The following SNAPC3 variants were observed in gnomAD, a reference collection of about 807,000 sequenced individuals.
SNAPC3 encodes the protein snRNA-activating protein complex subunit 3.
In SNAPC3, 56 loss-of-function variants were observed where a neutral mutation model predicts 47.7. The ratio of observed to expected loss-of-function variants is 1.18; its 90% CI spans 0.95 to 1.47. The LOEUF (loss-of-function observed/expected upper bound fraction) is 1.47. Among genes scored for constraint, SNAPC3 ranks in the 40% most tolerant of loss-of-function variants. The pLI is 0.00. For synonymous variants in SNAPC3, 235 were observed against 189.9 expected (o/e 1.24, Z -1.95); for missense variants, 665 against 511.3 (o/e 1.30, Z -2.90).
At chr9:15,446,514 G>A (rs2033943701) in intron 4 of SNAPC3, among the ~76,000 whole-genome samples, 1 of 152,168 alleles carries the variant, frequency 6.6e-6, no homozygotes, top group Admixed American at 6.5e-5. Context: ...GACATTCCAT[G>A]CTATTCTAAT....
rs374402852 is a variant in SNAPC3, at chr9:15,444,211, C to T, written c.478-391C>T. Among the ~76,000 whole-genome samples, 6 of 152,280 alleles carry T rather than the reference C, an allele frequency of 3.9e-5. No individual in the cohort carries two copies. In the East Asian group the frequency reaches 9.6e-4, roughly 24 times the overall value. On this transcript the variant is annotated intron_variant, in intron 3 of 8. Coordinates refer to ENST00000380821, the MANE Select transcript of SNAPC3 (RefSeq NM_001039697.2). ...AACTCTGGTATGACCTTGAGTAAAT[C>T]ACTGAACCTCTGAGCTTTATCTGTA...
intron 3 of SNAPC3, among the ~76,000 whole-genome samples, chr9:15,434,618 C>T (rs2131802563): frequency 6.6e-6 from 1 of 152,188 alleles, no homozygotes. Context: ...GTTGGCCAGG[C>T]TGGTCTCGAA....
chr9:15,430,063 C>CTGTA (rs1333089751), intron 2 of SNAPC3, among the ~76,000 whole-genome samples: 3 of 152,128 alleles, frequency 2.0e-5, no homozygotes, highest in Non-Finnish European at 2.9e-5. Context: ...CTAATGAGAA[C>CTGTA]TGTATGACAT....
At chr9:15,437,890 G>T (rs1587251453) in intron 3 of SNAPC3, among the ~76,000 whole-genome samples, 1 of 152,128 alleles carries the variant, frequency 6.6e-6, no homozygotes, top group African/African-American at 2.4e-5. Flanking sequence ...TGCTTTGCTA[G>T]TATTTTGTTG....
intron 4 of SNAPC3, among the ~76,000 whole-genome samples, chr9:15,446,806 T>G (rs1295409890): frequency 1.3e-5 from 2 of 152,106 alleles, no homozygotes; most frequent in African/African-American, 4.8e-5. Context: ...TGTAGCCTGG[T>G]GCTTGGCCCT....
At chr9:15,464,094 A>AAGTTT (rs2035444092), downstream of SNAPC3, 1 of 179,212 alleles carries the variant, frequency 5.6e-6, no homozygotes, top group Non-Finnish European at 1.2e-5. Context: ...TAATGAAAAC[A>AAGTTT]AGTTTACACG....
At chr9:15,431,328 C>T (rs1123038) in intron 2 of SNAPC3, among the ~76,000 whole-genome samples, 125,253 of 152,176 alleles carry the variant, frequency 0.82, 52,673 homozygotes, top group Non-Finnish European at 0.91. Context: ...GACTTCCCTG[C>T]GCTCTTTCTC....
chr9:15,451,708 A>G (rs2034400629), intron 6 of SNAPC3, among the ~76,000 whole-genome samples: 1 of 152,186 alleles, frequency 6.6e-6, no homozygotes, highest in Non-Finnish European at 1.5e-5. Context: ...TGTCTCTAAA[A>G]AAAAAATAAA....
In SNAPC3 at chr9:15,435,190, G is replaced by T. The variant is rs1193574442; in HGVS notation, c.477+1554G>T. ...GTGATGCTGAACATCTTTTTATTTG[G>T]TTTTTGGCCATCTGTATATTTTCTT... On this transcript the variant is annotated intron_variant, in intron 3 of 8. Transcript: ENST00000380821. Among the ~76,000 whole-genome samples the T allele has an allele frequency of 2.6e-5, 4 of 151,912 alleles. No individual in the cohort carries two copies. The East Asian group carries it at 7.7e-4, about 29-fold the overall frequency.
chr9:15,457,826 C>G (rs1587414065), intron 7 of SNAPC3, 134 bp from the exon 8 acceptor site: 1 of 586,470 alleles, frequency 1.7e-6, no homozygotes. Context: ...ACAAGTAATT[C>G]AGCAACATCT....
rs201761191 is a variant in SNAPC3 at position 15,453,126 on chromosome 9, T to C, written c.901T>C (p.Leu301=). The change falls in exon 7 of 9, where the codon TTG becomes CTG. Residue 301 remains leucine (L), a synonymous_variant. Coordinates refer to ENST00000380821, the MANE Select transcript of SNAPC3 (RefSeq NM_001039697.2). Reference sequence around the variant, plus strand: ...AATGGAAGATTTCACCTTCAATGACTTGTGTATTAAACTGGGTTTTCCTTA... The same window carrying C: ...AATGGAAGATTTCACCTTCAATGACCTGTGTATTAAACTGGGTTTTCCTTA... ...ARMEDFTFND[L]CIKLGFPYLY... is the part of the protein sequence containing the mutation. The C allele has an allele frequency of 2.5e-5, 40 of 1,612,714 alleles. 1 individual carries two copies. The East Asian group carries it at 4.9e-4, about 20-fold the overall frequency.
At chr9:15,442,545 G>T (rs1209600240) in intron 3 of SNAPC3, among the ~76,000 whole-genome samples, 2 of 152,050 alleles carry the variant, frequency 1.3e-5, no homozygotes, top group African/African-American at 2.4e-5. Context: ...GTGGCGGCCG[G>T]GCAGAGGCGC....
chr9:15,441,383 CTTTTTTTTTTTTT>C (rs77103785), intron 3 of SNAPC3, among the ~76,000 whole-genome samples: 1 of 59,572 alleles, frequency 1.7e-5, no homozygotes, highest in Non-Finnish European at 3.1e-5. Flanking sequence ...GTTCCCTTTT[CTTTTTTTTTTTTT>C]TTTTTTTTTT....
chr9:15,423,814 C>T, intron 1 of SNAPC3, 95 bp from the exon 2 acceptor site: 4 of 615,094 alleles, frequency 6.5e-6, no homozygotes. Flanking sequence ...TATCTGACTT[C>T]GTAATTCAGT....
chr9:15,423,363 G>C (rs879837467), intron 1 of SNAPC3, among the ~76,000 whole-genome samples, 170 bp downstream of exon 1: 1 of 152,240 alleles, frequency 6.6e-6, no homozygotes, highest in Admixed American at 6.5e-5. Flanking sequence ...GACACCAGGA[G>C]AAGTCCTGGG....
At chr9:15,431,884 C>CTTTTTTTTTT (rs36102225) in intron 2 of SNAPC3, 2 of 98,144 alleles carry the variant, frequency 2.0e-5, no homozygotes, top group Non-Finnish European at 3.9e-5. Context: ...TAAAGCCTGT[C>CTTTTTTTTTT]TTTTTTTTTT....
downstream of SNAPC3, chr9:15,462,825 T>C (rs1200370509): frequency 1.3e-5 from 2 of 152,218 alleles, no homozygotes; most frequent in African/African-American, 4.8e-5. Context: ...TTTCTTTGTT[T>C]CTAAAGAGTT....
At chr9:15,452,081 G>A (rs1462518016) in intron 6 of SNAPC3, among the ~76,000 whole-genome samples, 3 of 152,082 alleles carry the variant, frequency 2.0e-5, no homozygotes, top group Admixed American at 2.0e-4. Flanking sequence ...TCGTGCCTCA[G>A]CCTGCCAAGT....
intron 3 of SNAPC3, among the ~76,000 whole-genome samples, chr9:15,437,060 G>A (rs2131819794): frequency 6.6e-6 from 1 of 152,054 alleles, no homozygotes; most frequent in African/African-American, 2.4e-5. Flanking sequence ...CCCAGCCTCA[G>A]GTGATCCGCC....
Sources: gnomAD v4.1 joint callset for allele counts (sites outside exome capture counted in the v4.1 genomes callset) on GRCh38, gnomAD v4.1.1 for gene constraint, MANE v1.5 for transcripts, NCBI Gene and HGNC (gene_info 2026-07-23, HGNC 2026-07-21) for gene names.